The following MALRD1 variants were observed in gnomAD, a reference collection of about 807,000 sequenced individuals.
The protein encoded by MALRD1 is MAM and LDL receptor class A domain containing 1.
A neutral mutation model predicts 242.1 loss-of-function variants in MALRD1; 247 were observed. That is an observed-to-expected ratio of 1.02 (90% CI 0.92 to 1.13). The LOEUF (loss-of-function observed/expected upper bound fraction) is 1.13, where lower values mean the gene tolerates loss of function less well. Ranked by LOEUF, MALRD1 falls within the 50% of genes most tolerant of loss-of-function variation. The pLI, the probability that MALRD1 is intolerant of heterozygous loss-of-function variation, is 0.00. For missense variants in MALRD1, 2,989 were observed against 2,533.1 expected, an observed-to-expected ratio of 1.18 and a Z score of -3.86; for synonymous variants, 995 against 866.6, an observed-to-expected ratio of 1.15 and a Z score of -2.60.
intron 18 of MALRD1, among the ~76,000 whole-genome samples, chr10:19,218,266 A>C (rs75519521): frequency 6.6e-6 from 1 of 152,124 alleles, no homozygotes; most frequent in Non-Finnish European, 1.5e-5. Flanking sequence ...ATTCACGCCA[A>C]TTATGACAGG....
At chr10:19,446,663 C>A (rs999896640) in intron 28 of MALRD1, among the ~76,000 whole-genome samples, 1 of 152,026 alleles carries the variant, frequency 6.6e-6, no homozygotes, top group African/African-American at 2.4e-5. Context: ...ATTTGCAAGA[C>A]AAAAGTTCCA....
intron 36 of MALRD1, among the ~76,000 whole-genome samples, chr10:19,677,488 C>A (rs1417021620): frequency 6.6e-6 from 1 of 152,030 alleles, no homozygotes. Flanking sequence ...TTGTTCATGT[C>A]CTTTGCCCAC....
chr10:19,704,607 T>C (rs1833779671), intron 38 of MALRD1, among the ~76,000 whole-genome samples: 1 of 152,154 alleles, frequency 6.6e-6, no homozygotes, highest in South Asian at 2.1e-4. Flanking sequence ...GATGGTTGAG[T>C]AGGAAATTAT....
intron 32 of MALRD1, among the ~76,000 whole-genome samples, chr10:19,559,198 A>G (rs549183285): frequency 1.9e-4 from 29 of 151,688 alleles, no homozygotes; most frequent in East Asian, 7.7e-4. Context: ...TAATAATAAT[A>G]ATGATGATAA....
intron 29 of MALRD1, among the ~76,000 whole-genome samples, chr10:19,459,828 C>G (rs1172806739): frequency 6.6e-6 from 1 of 150,708 alleles, no homozygotes; most frequent in East Asian, 1.9e-4. Flanking sequence ...TAATTATAAT[C>G]CAAGCACAAT....
At chr10:19,465,005 T>C (rs12261325) in intron 29 of MALRD1, among the ~76,000 whole-genome samples, 6,965 of 151,468 alleles carry the variant, frequency 0.046, 553 homozygotes, top group African/African-American at 0.16. Context: ...CTTGATTTGA[T>C]TCTCAGCTTT....
At chr10:19,444,659 C>G (rs77772512) in intron 28 of MALRD1, among the ~76,000 whole-genome samples, 1 of 152,128 alleles carries the variant, frequency 6.6e-6, no homozygotes, top group African/African-American at 2.4e-5. Context: ...GGCTTGTAGA[C>G]TTTCTGTGGA....
At chr10:19,058,535 A>T (rs1834732474) in intron 1 of MALRD1, among the ~76,000 whole-genome samples, 1 of 152,210 alleles carries the variant, frequency 6.6e-6, no homozygotes, top group Admixed American at 6.6e-5. Flanking sequence ...GTTAAATGAA[A>T]GAAGAAAACT....
At chr10:19,494,738 A>G (rs1837638778) in intron 30 of MALRD1, among the ~76,000 whole-genome samples, 1 of 152,132 alleles carries the variant, frequency 6.6e-6, no homozygotes. Flanking sequence ...AAAAGAATAA[A>G]AAGGAATGAA....
chr10:19,364,428 A>G (rs1049896748), intron 26 of MALRD1, among the ~76,000 whole-genome samples: 14 of 152,150 alleles, frequency 9.2e-5, no homozygotes, highest in Non-Finnish European at 1.5e-5. Context: ...TCTAAAAACC[A>G]AAAGACTACA....
At chr10:19,088,286 A>G (rs11008436) in intron 4 of MALRD1, 101 bp downstream of exon 4, 196,415 of 1,056,176 alleles carry the variant, frequency 0.19, 18,491 homozygotes, top group Middle Eastern at 0.31. Context: ...CCAGTTTGCC[A>G]GGGACTGAGG....
intron 36 of MALRD1, among the ~76,000 whole-genome samples, chr10:19,684,333 C>G (rs736242): frequency 0.029 from 4,375 of 152,258 alleles, 206 homozygotes; most frequent in African/African-American, 0.09. Context: ...AGAATCTTGT[C>G]TAGCACATAA....
intron 13 of MALRD1, among the ~76,000 whole-genome samples, chr10:19,166,626 C>T (rs564319260): frequency 1.3e-5 from 2 of 152,120 alleles, no homozygotes; most frequent in African/African-American, 4.8e-5. Flanking sequence ...AGATGGTATC[C>T]CAATTACCTT....
intron 26 of MALRD1, among the ~76,000 whole-genome samples, chr10:19,373,624 A>G (rs1845482626): frequency 6.6e-6 from 1 of 152,024 alleles, no homozygotes; most frequent in African/African-American, 2.4e-5. Context: ...TAGAGAAAAC[A>G]TTTCTATATA....
At chr10:19,206,651 A>G (rs188688702) in intron 17 of MALRD1, among the ~76,000 whole-genome samples, 2 of 152,290 alleles carry the variant, frequency 1.3e-5, no homozygotes, top group African/African-American at 2.4e-5. Flanking sequence ...CTTTCCATCA[A>G]GGCATATTAC....
chr10:19,099,404 GGCTTGAGTGCT>G, intron 4 of MALRD1, among the ~76,000 whole-genome samples: 1 of 152,176 alleles, frequency 6.6e-6, no homozygotes, highest in African/African-American at 2.4e-5. Context: ...TAAATCAAGT[GGCTTGAGTGCT>G]GACCACTTAC....
chr10:19,542,702 A>G (rs1041628853), intron 32 of MALRD1, among the ~76,000 whole-genome samples: 1 of 152,142 alleles, frequency 6.6e-6, no homozygotes, highest in African/African-American at 2.4e-5. Flanking sequence ...GGATACAAAG[A>G]TAGGTAGATA....
At chr10:19,370,287 A>G (rs914128349) in intron 26 of MALRD1, among the ~76,000 whole-genome samples, 1 of 152,108 alleles carries the variant, frequency 6.6e-6, no homozygotes, top group Non-Finnish European at 1.5e-5. Context: ...ATTGATTATC[A>G]TATTATTAAA....
At chr10:19,537,421 G>A (rs1241107194) in intron 32 of MALRD1, among the ~76,000 whole-genome samples, 5 of 147,646 alleles carry the variant, frequency 3.4e-5, no homozygotes, top group African/African-American at 5.4e-5. Flanking sequence ...AGATCAAGGG[G>A]CTGGCAAGTT....
Sources: gnomAD v4.1 joint callset for allele counts (sites outside exome capture counted in the v4.1 genomes callset) on GRCh38, gnomAD v4.1.1 for gene constraint, MANE v1.5 for transcripts, NCBI Gene and HGNC (gene_info 2026-07-23, HGNC 2026-07-21) for gene names.